The following PTPRD variants were observed in gnomAD, a reference collection of about 807,000 sequenced individuals.
The protein encoded by PTPRD is protein tyrosine phosphatase receptor type D.
A neutral mutation model predicts 214.5 loss-of-function variants in PTPRD; 34 were observed. The ratio of observed to expected loss-of-function variants is 0.16; its 90% CI spans 0.12 to 0.21. The LOEUF (loss-of-function observed/expected upper bound fraction) is 0.21. Ranked by LOEUF, PTPRD falls within the 10% of genes least tolerant of loss-of-function variation. The pLI is 1.00. For missense variants in PTPRD, 2,545 were observed against 2,398.7 expected, an observed-to-expected ratio of 1.06 and a Z score of -1.27; for synonymous variants, 1,128 against 845.7, an observed-to-expected ratio of 1.33 and a Z score of -5.79.
chr9:8,687,314 C>G (rs1481422533), intron 12 of PTPRD, among the ~76,000 whole-genome samples: 1 of 152,164 alleles, frequency 6.6e-6, no homozygotes, highest in Admixed American at 6.6e-5. Context: ...TGGCTTCTCT[C>G]AAAACTCTGC....
chr9:8,944,086 G>A lies in PTPRD; in HGVS notation c.-104+74611C>T, dbSNP rs1016338435. On this transcript the variant is annotated intron_variant, in intron 11 of 45. Transcript: ENST00000381196. ...AATCTAGTAATCTGATTCAAAAATGGGCAAAAGATCTGAATAGGTGGTTCT... is the reference window on the plus strand; with the variant it reads ...AATCTAGTAATCTGATTCAAAAATGAGCAAAAGATCTGAATAGGTGGTTCT... 3.9e-5 allele frequency among the ~76,000 whole-genome samples: 6 copies of A among 151,902 alleles called. No individual in the cohort carries two copies. The East Asian group carries it at 5.8e-4, about 15-fold the overall frequency.
At chr9:10,172,768 C>A (rs2099218132) in intron 3 of PTPRD, among the ~76,000 whole-genome samples, 1 of 152,106 alleles carries the variant, frequency 6.6e-6, no homozygotes, top group Admixed American at 6.5e-5. Context: ...CACAGGCCTG[C>A]TAGTGATACC....
chr9:9,825,098 A>G (rs1050307918), intron 5 of PTPRD, among the ~76,000 whole-genome samples: 1 of 151,964 alleles, frequency 6.6e-6, no homozygotes, highest in Non-Finnish European at 1.5e-5. Context: ...ATCATCTGAT[A>G]CTGCAGTTTT....
chr9:8,936,425 T>A (rs551942300), intron 11 of PTPRD, among the ~76,000 whole-genome samples: 574 of 7,292 alleles, frequency 0.079, 4 homozygotes, highest in African/African-American at 0.17. Flanking sequence ...AGACCCTGCC[T>A]CCAAAAAAAA....
At chr9:9,356,476 G>A (rs2053832481) in intron 9 of PTPRD, among the ~76,000 whole-genome samples, 1 of 151,290 alleles carries the variant, frequency 6.6e-6, no homozygotes, top group Non-Finnish European at 1.5e-5. Context: ...AAAATCATCA[G>A]AGCATATTCA....
intron 10 of PTPRD, among the ~76,000 whole-genome samples, chr9:9,094,284 C>T (rs906134556): frequency 6.6e-5 from 10 of 152,140 alleles, no homozygotes; most frequent in Admixed American, 4.6e-4. Flanking sequence ...CCTAAGTGTC[C>T]ATCAACCAAT....
chr9:9,993,921 T>C (rs974001670), intron 4 of PTPRD, among the ~76,000 whole-genome samples: 1 of 152,206 alleles, frequency 6.6e-6, no homozygotes, highest in South Asian at 2.1e-4. Flanking sequence ...GCTAGATGTA[T>C]AAACCATCTT....
intron 39 of PTPRD, among the ~76,000 whole-genome samples, chr9:8,342,658 G>C (rs1049102858): frequency 3.3e-5 from 5 of 152,024 alleles, no homozygotes; most frequent in Admixed American, 1.3e-4. Context: ...TATGTTTCCT[G>C]TCATCTGTGT....
intron 8 of PTPRD, among the ~76,000 whole-genome samples, chr9:9,453,767 G>T (rs748318268): frequency 1.2e-4 from 18 of 151,662 alleles, no homozygotes; most frequent in African/African-American, 4.4e-4. Flanking sequence ...GGAAAAGGAG[G>T]TTTCAAATAT....
intron 43 of PTPRD, among the ~76,000 whole-genome samples, chr9:8,337,986 G>T (rs1848631567): frequency 6.6e-6 from 1 of 151,902 alleles, no homozygotes; most frequent in African/African-American, 2.4e-5. Context: ...GGGATTAACA[G>T]GTCTGTCACC....
At chr9:8,594,220 T>A (rs2094329057) in intron 14 of PTPRD, among the ~76,000 whole-genome samples, 2 of 152,176 alleles carry the variant, frequency 1.3e-5, no homozygotes, top group Non-Finnish European at 2.9e-5. Context: ...TTACTTTAAA[T>A]GTTTTATCCT....
At chr9:8,804,715 C>T (rs2096641029) in intron 11 of PTPRD, among the ~76,000 whole-genome samples, 1 of 148,368 alleles carries the variant, frequency 6.7e-6, no homozygotes, top group African/African-American at 2.5e-5. Flanking sequence ...AAAACTCTTA[C>T]TTCTTTCTAG....
intron 35 of PTPRD, among the ~76,000 whole-genome samples, chr9:8,428,937 G>A (rs2094869429): frequency 6.6e-6 from 1 of 152,146 alleles, no homozygotes; most frequent in African/African-American, 2.4e-5. Flanking sequence ...AAATAGAAAT[G>A]TTTTCTTTTG....
intron 11 of PTPRD, among the ~76,000 whole-genome samples, chr9:8,889,950 A>T (rs2098524483): frequency 6.6e-6 from 1 of 151,840 alleles, no homozygotes; most frequent in African/African-American, 2.4e-5. Flanking sequence ...TCATATAATG[A>T]CTCCTTTTCC....
intron 4 of PTPRD, among the ~76,000 whole-genome samples, chr9:10,002,142 C>G (rs1275704021): frequency 6.7e-6 from 1 of 150,182 alleles, no homozygotes; most frequent in African/African-American, 2.4e-5. Flanking sequence ...ATCCCAAGCA[C>G]AATAACTAAG....
intron 19 of PTPRD, 143 bp downstream of exon 19, chr9:8,523,370 C>G: frequency 1.1e-6 from 1 of 945,238 alleles, no homozygotes; most frequent in Non-Finnish European, 1.6e-6. Flanking sequence ...GCACCAGAAG[C>G]CATGGCCAGG....
At chr9:8,686,161 T>C (rs1201835794) in intron 12 of PTPRD, among the ~76,000 whole-genome samples, 2 of 152,232 alleles carry the variant, frequency 1.3e-5, no homozygotes, top group Non-Finnish European at 2.9e-5. Flanking sequence ...AATTTCATCT[T>C]TAGTAAAAAA....
chr9:10,463,457 T>A (rs968447022), intron 2 of PTPRD, among the ~76,000 whole-genome samples: 3 of 152,060 alleles, frequency 2.0e-5, no homozygotes, highest in Non-Finnish European at 4.4e-5. Context: ...TAAACAAGAA[T>A]AAGTTGTTTA....
intron 7 of PTPRD, among the ~76,000 whole-genome samples, chr9:9,603,315 A>G (rs190979290): frequency 6.6e-6 from 1 of 152,220 alleles, no homozygotes; most frequent in East Asian, 1.9e-4. Context: ...GGTCAAAAAA[A>G]GTATAACAGA....
Sources: allele counts gnomAD v4.1 joint callset (sites outside exome capture counted in the v4.1 genomes callset), GRCh38; gene constraint gnomAD v4.1.1; transcripts MANE v1.5; gene names NCBI Gene and HGNC (gene_info 2026-07-23, HGNC 2026-07-21).